Variants in MDN1 observed in about 807,000 individuals in gnomAD.
The protein encoded by MDN1 is midasin.
A neutral mutation model predicts 669.2 loss-of-function variants in MDN1; 266 were observed. The observed-to-expected ratio is 0.40, with a 90% confidence interval of 0.36 to 0.44. MDN1 has a LOEUF of 0.44. MDN1 is among the 20% of genes least tolerant of loss of function. MDN1 has a pLI of 1.00. For missense variants in MDN1, 5,940 were observed against 6,754.0 expected, an observed-to-expected ratio of 0.88 and a Z score of 4.22; for synonymous variants, 2,385 against 2,457.1, an observed-to-expected ratio of 0.97 and a Z score of 0.87.
chr6:89,818,823 G>C (rs1236921876), intron 1 of MDN1, among the ~76,000 whole-genome samples: 1 of 147,056 alleles, frequency 6.8e-6, no homozygotes, highest in South Asian at 2.2e-4. Context: ...AAAAAAAAAA[G>C]TGTCTTCAAC....
At chr6:89,756,474 A>G (rs926271880) in intron 19 of MDN1, 84 bp from the exon 20 acceptor site, 4 of 653,130 alleles carry the variant, frequency 6.1e-6, no homozygotes, top group African/African-American at 5.6e-5. Context: ...AGAAGAAGCT[A>G]TGTCAGCTCA....
chr6:89,677,362 G>C (rs1699807440), intron 76 of MDN1, among the ~76,000 whole-genome samples: 1 of 152,142 alleles, frequency 6.6e-6, no homozygotes, highest in African/African-American at 2.4e-5. Flanking sequence ...CCAAAGTGCT[G>C]GGATTACAGT....
chr6:89,678,261 G>A (rs995225228), intron 75 of MDN1, among the ~76,000 whole-genome samples: 12 of 152,138 alleles, frequency 7.9e-5, no homozygotes, highest in Admixed American at 5.2e-4. Flanking sequence ...AACAAGAGGC[G>A]GAGGTTGCAG....
At chr6:89,668,853 G>T (rs901146142) in intron 83 of MDN1, among the ~76,000 whole-genome samples, 4 of 152,108 alleles carry the variant, frequency 2.6e-5, no homozygotes, top group African/African-American at 9.7e-5. Flanking sequence ...AAGTTCCCTT[G>T]AACTACTCAG....
In MDN1 at chr6:89,694,186, A is replaced by G; in HGVS notation, c.9772-3T>C. ...CATTCACACTGCAGTTGGTGTAACT[A>G]ATGGAAAAGAGAGAAGTTAGTCCAC... On this transcript the variant is annotated splice_region_variant and splice_polypyrimidine_tract_variant and intron_variant, in intron 61 of 101. Coordinates refer to ENST00000369393, the MANE Select transcript of MDN1 (RefSeq NM_014611.3). The G allele has an allele frequency of 6.2e-7, 1 of 1,612,608 alleles. No homozygotes were observed. The highest frequency in any genetic ancestry group is 8.5e-7 in the Non-Finnish European group (1 of 1,178,658).
rs146243745 is a variant in MDN1, at chr6:89,779,329, G to A, written c.1725+883C>T. On this transcript the variant is annotated intron_variant, in intron 11 of 101. Coordinates refer to ENST00000369393, the MANE Select transcript of MDN1 (RefSeq NM_014611.3). Reference sequence around the variant, plus strand: ...CTTTTGTTCTTATTCCACCTTTACCGCTATGATTTGGTCTTCTGTAATAAT... The same window carrying A: ...CTTTTGTTCTTATTCCACCTTTACCACTATGATTTGGTCTTCTGTAATAAT... Among the ~76,000 whole-genome samples the A allele has an allele frequency of 3.8e-3, 571 of 152,202 alleles. 4 individuals carry two copies. The highest frequency in any genetic ancestry group is 0.013 in the African/African-American group (522 of 41,524).
intron 62 of MDN1, among the ~76,000 whole-genome samples, chr6:89,693,411 C>T (rs941013256): frequency 8.5e-5 from 13 of 152,080 alleles, no homozygotes; most frequent in African/African-American, 3.1e-4. Flanking sequence ...GAGTAGATAA[C>T]TACAATTACC....
chr6:89,674,670 G>A (rs2128304790), intron 78 of MDN1, 81 bp from the exon 79 acceptor site: 1 of 1,479,788 alleles, frequency 6.8e-7, no homozygotes, highest in East Asian at 2.3e-5. Context: ...AGAAATTTGT[G>A]TTTCTGAACA....
intron 84 of MDN1, among the ~76,000 whole-genome samples, chr6:89,665,982 G>A (rs997293294): frequency 6.6e-6 from 1 of 152,180 alleles, no homozygotes; most frequent in African/African-American, 2.4e-5. Context: ...GGAGGTTGCA[G>A]TTGAGCCAAG....
rs770523055 is a variant in MDN1, at chr6:89,708,605, G to T, written c.7789C>A (p.Pro2597Thr). Residue 2597 changes from proline (P) to threonine (T), a missense_variant, in exon 51 of 102, where the codon CCC (proline) becomes ACC (threonine). Physicochemically the swap from Pro to Thr is conservative, Grantham distance 38. Around this residue, in one of 5 missense-constraint regions of MDN1, gnomAD observed 2,292 missense variants for 2,638.3 expected, o/e 0.87. Coordinates refer to ENST00000369393, the MANE Select transcript of MDN1 (RefSeq NM_014611.3). ...TTDEFVIPLD[P>T]RWNMQALDMI... is the part of the protein sequence containing the mutation. ...TCCAGAGCCTGCATATTCCATCGGG[G>T]ATCCAGAGGGATCACAAATTCATCT... The T allele has an allele frequency of 6.2e-7, 1 of 1,613,778 alleles. No homozygotes were observed. The highest frequency in any genetic ancestry group is 8.5e-7 in the Non-Finnish European group (1 of 1,179,866).
intron 77 of MDN1, 43 bp downstream of exon 77, chr6:89,676,059 G>A (rs374683666): frequency 1.3e-6 from 2 of 1,565,772 alleles, no homozygotes; most frequent in African/African-American, 2.7e-5. Flanking sequence ...CAGAACAAGG[G>A]CTTTCCCTGA....
chr6:89,798,181 C>CAAA (rs10706907), intron 2 of MDN1, among the ~76,000 whole-genome samples: 91 of 71,438 alleles, frequency 1.3e-3, no homozygotes, highest in South Asian at 8.1e-3. Flanking sequence ...GACTCTGTCT[C>CAAA]AAAAAAAAAA....
chr6:89,673,124 A>C, intron 80 of MDN1, 112 bp downstream of exon 80: 1 of 913,210 alleles, frequency 1.1e-6, no homozygotes, highest in Non-Finnish European at 1.7e-6. Context: ...AGAACCCTGG[A>C]CAGGTACATG....
In MDN1 at chr6:89,707,471, A is replaced by C; in HGVS notation, c.7904T>G (p.Ile2635Ser). The change falls in exon 52 of 102, where the codon ATC becomes AGC. Residue 2635 changes from isoleucine to serine, a missense_variant. Ile to Ser is a moderately radical substitution (Grantham distance 142, BLOSUM62 -2). This residue lies in a region of MDN1 where 2,292 missense variants were observed against 2,638.3 expected (regional missense o/e 0.87). Transcript: ENST00000369393. ...CCGTTTTTCCCGGTCAAGATATATG[A>C]TTGTCCTGGAATGAGATTCAAAAAA... is the stretch of plus-strand genomic sequence containing the variant. ...ALLESAANKT[I>S]IYLDREKRVF... The C allele has an allele frequency of 6.3e-7, 1 of 1,599,994 alleles. No individual in the cohort carries two copies. Among genetic ancestry groups the C allele is most frequent in the Non-Finnish European group, 8.6e-7 (1 of 1,167,300 alleles).
intron 83 of MDN1, among the ~76,000 whole-genome samples, chr6:89,669,880 A>G (rs1810517599): frequency 6.6e-6 from 1 of 151,740 alleles, no homozygotes; most frequent in Admixed American, 6.6e-5. Flanking sequence ...TACCGGGTAC[A>G]TGGCTGAATG....
chr6:89,672,494 A>G lies in MDN1; in HGVS notation c.13630+53T>C, dbSNP rs1810873731. 4 of 1,597,706 alleles carry G rather than the reference A, an allele frequency of 2.5e-6. No homozygotes were observed. The South Asian group carries it at 4.5e-5, about 18-fold the overall frequency. On this transcript the variant is annotated intron_variant, in intron 81 of 101. Transcript: ENST00000369393. ...TTTAGCCACAGAAATAAATCATCAA[A>G]TACAAAAATTAAATCAGGCATGAAA... is the stretch of plus-strand genomic sequence containing the variant.
At chr6:89,681,131 C>A (rs974929257) in intron 73 of MDN1, among the ~76,000 whole-genome samples, 3 of 152,072 alleles carry the variant, frequency 2.0e-5, no homozygotes, top group Non-Finnish European at 2.9e-5. Context: ...CTCCTGTGAC[C>A]AGTTACCCCT....
At position 89,674,529 on chromosome 6, in the gene MDN1, G is replaced by A. The variant is rs145423323; in HGVS notation, c.12822C>T (p.Pro4274=). 2.7e-5 allele frequency: 44 copies of A among 1,604,756 alleles called. 1 individual carries two copies. The African/African-American group carries it at 4.0e-4, about 15-fold the overall frequency. ...HSRLMGPQAY[P]VAFPPQDGVQ... is the part of the protein sequence containing the mutation. ...CGCCATCCTGAGGGGGGAAGGCCAC[G>A]GGGTAGGCCTGGGGCCCCATCAGCC... The change falls in exon 79 of 102, where the codon CCC becomes CCT. Residue 4274 remains proline (P), a synonymous_variant. Transcript: ENST00000369393.
chr6:89,775,831 A>G (rs1345152526), intron 12 of MDN1, among the ~76,000 whole-genome samples: 5 of 152,192 alleles, frequency 3.3e-5, no homozygotes, highest in South Asian at 4.1e-4. Flanking sequence ...GATTACAGGC[A>G]TGTGCCACCA....
Sources: gnomAD v4.1 joint callset for allele counts (sites outside exome capture counted in the v4.1 genomes callset) on GRCh38, gnomAD v4.1.1 for gene constraint, gnomAD v4.1.1 regional missense constraint, MANE v1.5 for transcripts, NCBI Gene and HGNC (gene_info 2026-07-23, HGNC 2026-07-21) for gene names.